The following RASA2 variants were observed in gnomAD, a reference collection of about 807,000 sequenced individuals.
The protein encoded by RASA2 is RAS p21 protein activator 2, also known as ras GTPase-activating protein 2.
RASA2 carries 155 observed loss-of-function variants against 118.2 expected under a neutral mutation model. The ratio of observed to expected loss-of-function variants is 1.31; its 90% CI spans 1.15 to 1.50. The LOEUF (loss-of-function observed/expected upper bound fraction) is 1.50, where lower values mean the gene tolerates loss of function less well. Among genes scored for constraint, RASA2 ranks in the 40% most tolerant of loss-of-function variants. The pLI is 0.00. For synonymous variants in RASA2, 353 were observed against 349.1 expected (o/e 1.01, Z -0.12); for missense variants, 1,016 against 1,009.6 (o/e 1.01, Z -0.09).
rs1239811236 is a variant in RASA2, at chr3:141,586,061, T to G, written c.1789T>G (p.Ser597Ala). 5 of 1,611,390 alleles carry G rather than the reference T, an allele frequency of 3.1e-6. No individual in the cohort carries two copies. The East Asian group carries it at 1.1e-4, about 36-fold the overall frequency. The stretch of plus-strand genomic sequence containing the variant: ...AATTTCATCTACTGAAACTAAAGAG[T>G]CCAGTGGTACGAGTGAGCCTGTGCA... ...DEISSTETKE[S>A]SGTSEPVHLK... Residue 597 changes from serine (S) to alanine (A), a missense_variant, in exon 18 of 24, where the codon TCC becomes GCC. Physicochemically the swap from Ser to Ala is moderately conservative, Grantham distance 99. Around this residue, in one of 2 missense-constraint regions of RASA2, gnomAD observed 896 missense variants for 836.4 expected, o/e 1.07. Transcript: ENST00000286364.
intron 1 of RASA2, among the ~76,000 whole-genome samples, chr3:141,488,985 C>T (rs897168081): frequency 1.1e-4 from 17 of 151,720 alleles, no homozygotes; most frequent in African/African-American, 4.1e-4. Context: ...TGCCCCATGC[C>T]AAAGACCACT....
chr3:141,573,879 T>C, intron 13 of RASA2, 65 bp from the exon 14 acceptor site: 2 of 1,351,040 alleles, frequency 1.5e-6, no homozygotes, highest in South Asian at 1.8e-5. Flanking sequence ...CATTTTTCTT[T>C]CATGAAGGCT....
chr3:141,601,720 C>T (rs1346369352), intron 19 of RASA2, among the ~76,000 whole-genome samples: 2 of 151,836 alleles, frequency 1.3e-5, no homozygotes, highest in Non-Finnish European at 2.9e-5. Flanking sequence ...ATTTTTTGAA[C>T]CATAAGATAA....
At chr3:141,524,108 T>G (rs558611622) in intron 3 of RASA2, among the ~76,000 whole-genome samples, 25 of 152,202 alleles carry the variant, frequency 1.6e-4, no homozygotes, top group Admixed American at 3.3e-4. Flanking sequence ...CTCATGATCC[T>G]ATTGTTTGTC....
At chr3:141,526,212 A>G (rs1453523985) in intron 3 of RASA2, 1 of 152,228 alleles carries the variant, frequency 6.6e-6, no homozygotes, top group South Asian at 2.1e-4. Context: ...CCTACCTGGT[A>G]GAGACTCAGT....
intron 5 of RASA2, among the ~76,000 whole-genome samples, chr3:141,551,513 T>C (rs755570469): frequency 1.8e-4 from 27 of 152,196 alleles, no homozygotes; most frequent in Non-Finnish European, 3.5e-4. Context: ...GGTTTTTCTT[T>C]CTCTGTGCAA....
At chr3:141,583,773 T>C (rs2107773394) in intron 17 of RASA2, among the ~76,000 whole-genome samples, 1 of 152,320 alleles carries the variant, frequency 6.6e-6, no homozygotes, top group Middle Eastern at 3.4e-3. Flanking sequence ...CAAATTCCAC[T>C]TTAGAATAGG....
At chr3:141,555,986 C>T in intron 7 of RASA2, 74 bp downstream of exon 7, 2 of 1,148,840 alleles carry the variant, frequency 1.7e-6, no homozygotes, top group East Asian at 2.6e-5. Context: ...TTTTTTCAAA[C>T]CACAGTCATA....
chr3:141,571,342 G>A, intron 10 of RASA2, 64 bp from the exon 11 acceptor site: 1 of 1,551,502 alleles, frequency 6.4e-7, no homozygotes, highest in Non-Finnish European at 8.8e-7. Context: ...TTACAGGCTA[G>A]TGATTGAACA....
rs544147142 is a variant in RASA2, at chr3:141,496,468, A to C, written c.133+9252A>C. On this transcript the variant is annotated intron_variant, in intron 1 of 23. Transcript: ENST00000286364. Reference sequence around the variant, plus strand: ...ATCTACAAAGAACTCAAACAAATTTACAAGAAAAAAACAACCCCATGAAAA... The same window carrying C: ...ATCTACAAAGAACTCAAACAAATTTCCAAGAAAAAAACAACCCCATGAAAA... 2.2e-4 allele frequency among the ~76,000 whole-genome samples: 34 copies of C among 152,376 alleles called. No homozygotes were observed. In the South Asian group the frequency reaches 6.8e-3, roughly 31 times the overall value.
intron 10 of RASA2, 125 bp from the exon 11 acceptor site, chr3:141,571,281 G>A (rs1044634355): frequency 1.1e-5 from 15 of 1,406,626 alleles, no homozygotes; most frequent in Admixed American, 7.2e-5. Flanking sequence ...AAAAAATTTC[G>A]AAAATTAAAT....
intron 19 of RASA2, among the ~76,000 whole-genome samples, chr3:141,598,352 C>T (rs566038232): frequency 1.3e-5 from 2 of 152,200 alleles, no homozygotes; most frequent in Non-Finnish European, 2.9e-5. Flanking sequence ...AACTAATCAA[C>T]ATAATTTATC....
chr3:141,550,909 A>C (rs1383356346), intron 5 of RASA2, among the ~76,000 whole-genome samples: 1 of 152,216 alleles, frequency 6.6e-6, no homozygotes, highest in Non-Finnish European at 1.5e-5. Flanking sequence ...CCAAAGTCTT[A>C]GCAAATGTTT....
At chr3:141,510,231 G>A (rs1203484527) in intron 1 of RASA2, among the ~76,000 whole-genome samples, 1 of 152,160 alleles carries the variant, frequency 6.6e-6, no homozygotes, top group Non-Finnish European at 1.5e-5. Context: ...CTTAGTAGCA[G>A]AGTAAGAGAG....
chr3:141,559,004 C>A, intron 8 of RASA2, 42 bp downstream of exon 8: 1 of 1,483,474 alleles, frequency 6.7e-7, no homozygotes, highest in Non-Finnish European at 9.2e-7. Flanking sequence ...TTTTGTATAC[C>A]AAAAGAAAAT....
chr3:141,603,074 A>G (rs951471134), intron 19 of RASA2, among the ~76,000 whole-genome samples: 4 of 152,160 alleles, frequency 2.6e-5, no homozygotes, highest in African/African-American at 7.2e-5. Flanking sequence ...TTCTTACCCT[A>G]TGCGGTTTTT....
chr3:141,529,768 C>A lies in RASA2; in HGVS notation c.416C>A (p.Ser139Ter). The change falls in exon 4 of 24, where the codon TCA (serine) becomes TAA (stop). Residue 139 changes from serine to a stop codon, truncating the protein, a stop_gained. Coordinates refer to ENST00000286364, the MANE Select transcript of RASA2 (RefSeq NM_006506.5). LOFTEE classifies it high-confidence loss of function. ...CNHSGKETWF[S>*]LQPVDSNSEV... is the part of the protein sequence containing the mutation. ...CACAGTGGCAAAGAAACTTGGTTTT[C>A]ATTACAGCCTGTTGACTCCAATTCA... 6.2e-7 allele frequency: 1 copy of A among 1,611,850 alleles called. No individual in the cohort carries two copies. Among genetic ancestry groups the A allele is most frequent in the South Asian group, 1.1e-5 (1 of 91,014 alleles).
At chr3:141,589,248 T>G (rs187526931) in intron 19 of RASA2, among the ~76,000 whole-genome samples, 195 of 152,350 alleles carry the variant, frequency 1.3e-3, no homozygotes, top group African/African-American at 3.3e-3. Flanking sequence ...CTAATTATGT[T>G]TACATTAATA....
At chr3:141,534,589 G>A (rs560069200) in intron 4 of RASA2, among the ~76,000 whole-genome samples, 4 of 132,898 alleles carry the variant, frequency 3.0e-5, no homozygotes, top group African/African-American at 1.2e-4. Flanking sequence ...TTGTTTTATA[G>A]GTGTTTTTTT....
Sources: allele counts gnomAD v4.1 joint callset (sites outside exome capture counted in the v4.1 genomes callset), GRCh38; gene constraint gnomAD v4.1.1; regional missense constraint gnomAD v4.1.1; transcripts MANE v1.5; gene names NCBI Gene and HGNC (gene_info 2026-07-23, HGNC 2026-07-21).